The following STMN2 variants were observed in gnomAD, a reference collection of about 807,000 sequenced individuals.
STMN2 encodes stathmin 2.
Under a neutral mutation model 24.1 loss-of-function variants are expected in STMN2, and 2 were observed. That is an observed-to-expected ratio of 0.08 (90% CI 0.03 to 0.26). The LOEUF is 0.26. Among genes scored for constraint, STMN2 ranks in the 10% least tolerant of loss-of-function variants. The pLI, the probability that STMN2 is intolerant of heterozygous loss-of-function variation, is 1.00. For synonymous variants in STMN2, 83 were observed against 77.5 expected (o/e 1.07, Z -0.37); for missense variants, 114 against 213.6 (o/e 0.53, Z 2.91).
intron 3 of STMN2, among the ~76,000 whole-genome samples, chr8:79,646,420 A>G (rs572835261): frequency 6.6e-6 from 1 of 151,640 alleles, no homozygotes; most frequent in East Asian, 1.9e-4. Flanking sequence ...ATATGTTATT[A>G]TTACTATATA....
chr8:79,627,191 A>C (rs1017459858), intron 1 of STMN2, among the ~76,000 whole-genome samples: 1 of 152,230 alleles, frequency 6.6e-6, no homozygotes, highest in Non-Finnish European at 1.5e-5. Flanking sequence ...CTGAATAAAC[A>C]AGAGAAAATA....
At chr8:79,663,934 A>G (rs1259787285) in intron 4 of STMN2, among the ~76,000 whole-genome samples, 1 of 152,146 alleles carries the variant, frequency 6.6e-6, no homozygotes, top group African/African-American at 2.4e-5. Context: ...ATAAACATCC[A>G]CCAATTACAT....
At position 79,654,988 on chromosome 8, in the gene STMN2, A is replaced by G. The variant is rs765032885; in HGVS notation, c.406A>G (p.Ile136Val). ...CAGCAAGATGGCGGAGGAAAAGCTG[A>G]TCCTGAAAATGGAACAAATTAAGGA... The part of the protein sequence containing the change: ...NFSKMAEEKL[I>V]LKMEQIKENR... The change falls in exon 4 of 5, where the codon ATC becomes GTC. Residue 136 changes from isoleucine (I) to valine (V), a missense_variant. Ile to Val is a conservative substitution (Grantham distance 29). Coordinates refer to ENST00000220876, the MANE Select transcript of STMN2 (RefSeq NM_007029.4). 1 of 1,614,074 alleles carries G rather than the reference A, an allele frequency of 6.2e-7. No homozygotes were observed. The highest frequency in any genetic ancestry group is 1.1e-5 in the South Asian group (1 of 91,078).
At chr8:79,641,628 GCACA>G (rs61386841) in intron 3 of STMN2, 78 bp downstream of exon 3, 14,628 of 429,578 alleles carry the variant, frequency 0.034, 79 homozygotes, top group East Asian at 0.1. Flanking sequence ...ACACATGCAC[GCACA>G]CACACACACA....
chr8:79,619,165 C>T (rs1256323363), intron 1 of STMN2, among the ~76,000 whole-genome samples: 2 of 151,400 alleles, frequency 1.3e-5, no homozygotes, highest in African/African-American at 4.9e-5. Context: ...TGTTGGAGTT[C>T]GCACATTAAC....
intron 1 of STMN2, among the ~76,000 whole-genome samples, chr8:79,630,491 A>C (rs1302678180): frequency 6.6e-6 from 1 of 152,196 alleles, no homozygotes; most frequent in Non-Finnish European, 1.5e-5. Context: ...CATCCTTATC[A>C]CTGGTGACCA....
chr8:79,632,415 G>T (rs1367642565), intron 1 of STMN2, among the ~76,000 whole-genome samples: 2 of 152,258 alleles, frequency 1.3e-5, no homozygotes, highest in South Asian at 2.1e-4. Context: ...TTTGGGACTT[G>T]CCAGGAAAAC....
chr8:79,656,892 G>A, intron 4 of STMN2, among the ~76,000 whole-genome samples: 1 of 126,080 alleles, frequency 7.9e-6, no homozygotes, highest in South Asian at 2.3e-4. Context: ...TTGTTTTTTT[G>A]AGATAGAGTC....
At chr8:79,622,355 T>C (rs1438107664) in intron 1 of STMN2, among the ~76,000 whole-genome samples, 1 of 152,198 alleles carries the variant, frequency 6.6e-6, no homozygotes, top group African/African-American at 2.4e-5. Flanking sequence ...ATAAAAATAA[T>C]AAAAATTTAA....
chr8:79,639,207 A>G (rs1159737), intron 2 of STMN2, among the ~76,000 whole-genome samples: 68,804 of 152,134 alleles, frequency 0.45, 16,285 homozygotes, highest in Middle Eastern at 0.54. Context: ...AAAAGACGTT[A>G]ATAAATTAGA....
intron 3 of STMN2, among the ~76,000 whole-genome samples, chr8:79,650,727 G>A (rs557125628): frequency 1.3e-5 from 2 of 152,252 alleles, no homozygotes; most frequent in East Asian, 1.9e-4. Flanking sequence ...GAGACCTCAG[G>A]AACTGAGGTA....
intron 2 of STMN2, among the ~76,000 whole-genome samples, chr8:79,640,264 TC>T (rs1226490288): frequency 6.6e-6 from 1 of 152,162 alleles, no homozygotes; most frequent in African/African-American, 2.4e-5. Flanking sequence ...GATCAACATC[TC>T]CCCAGTCTCC....
chr8:79,631,388 T>A (rs1273527885), intron 1 of STMN2: 2 of 977,870 alleles, frequency 2.0e-6, no homozygotes, highest in African/African-American at 3.5e-5. Context: ...AATATTAATC[T>A]TTCAAAACCT....
chr8:79,651,270 T>G (rs754652630), intron 3 of STMN2, among the ~76,000 whole-genome samples: 15 of 152,228 alleles, frequency 9.9e-5, no homozygotes, highest in Non-Finnish European at 1.5e-4. Flanking sequence ...CTTCTGTTTC[T>G]GTTTCACCCC....
chr8:79,644,805 T>C (rs1332401157), intron 3 of STMN2, among the ~76,000 whole-genome samples: 2 of 152,190 alleles, frequency 1.3e-5, no homozygotes, highest in African/African-American at 4.8e-5. Flanking sequence ...TTCTTACAGA[T>C]AGAATGAAAA....
intron 1 of STMN2, among the ~76,000 whole-genome samples, chr8:79,621,494 G>T (rs1316868304): frequency 6.6e-6 from 1 of 152,182 alleles, no homozygotes; most frequent in Non-Finnish European, 1.5e-5. Flanking sequence ...AGCATCAGAC[G>T]TTTTGCAGTT....
chr8:79,658,338 C>G (rs765790197), intron 4 of STMN2, among the ~76,000 whole-genome samples: 1 of 152,208 alleles, frequency 6.6e-6, no homozygotes, highest in Non-Finnish European at 1.5e-5. Context: ...ATGACCACTT[C>G]TGAAATGACA....
intron 1 of STMN2, chr8:79,631,438 G>A (rs1809800601): frequency 1.0e-6 from 1 of 985,096 alleles, no homozygotes; most frequent in Non-Finnish European, 1.2e-6. Flanking sequence ...AGAGAGATGG[G>A]TAGAATCTAA....
intron 4 of STMN2, among the ~76,000 whole-genome samples, chr8:79,663,043 C>T (rs572226862): frequency 2.0e-4 from 30 of 152,208 alleles, no homozygotes; most frequent in African/African-American, 6.0e-4. Flanking sequence ...CTTTCCTTCT[C>T]TTCATGGTTT....
Sources: allele counts gnomAD v4.1 joint callset (sites outside exome capture counted in the v4.1 genomes callset), GRCh38; gene constraint gnomAD v4.1.1; transcripts MANE v1.5; gene names NCBI Gene and HGNC (gene_info 2026-07-23, HGNC 2026-07-21).